The following EXOC2 variants were observed in gnomAD, a reference collection of about 807,000 sequenced individuals.
The protein encoded by EXOC2 is exocyst complex component 2, also known as SEC5-like 1.
In EXOC2, 70 loss-of-function variants were observed where a neutral mutation model predicts 131.8. The observed-to-expected ratio is 0.53, with a 90% confidence interval of 0.44 to 0.65. The LOEUF is 0.65. Among genes scored for constraint, EXOC2 ranks in the 30% least tolerant of loss-of-function variants. EXOC2 has a pLI of 0.00. For synonymous variants in EXOC2, 411 were observed against 398.4 expected, an observed-to-expected ratio of 1.03 and a Z score of -0.38; for missense variants, 923 against 1,108.6, an observed-to-expected ratio of 0.83 and a Z score of 2.38.
intron 10 of EXOC2, among the ~76,000 whole-genome samples, chr6:596,059 A>G (rs929263541): frequency 1.3e-5 from 2 of 152,002 alleles, no homozygotes; most frequent in Admixed American, 1.3e-4. Context: ...TCACCTGTAC[A>G]ATGGGCACCG....
chr6:665,130 T>C (rs1029186873), intron 1 of EXOC2, among the ~76,000 whole-genome samples: 2 of 152,068 alleles, frequency 1.3e-5, no homozygotes, highest in Non-Finnish European at 1.5e-5. Flanking sequence ...AGGACATGAA[T>C]AGGCAACTCT....
intron 23 of EXOC2, among the ~76,000 whole-genome samples, chr6:527,936 C>T (rs1284418475): frequency 6.6e-6 from 1 of 151,976 alleles, no homozygotes; most frequent in Non-Finnish European, 1.5e-5. Flanking sequence ...GTTTCAAAGA[C>T]GTGAACTTCA....
intron 21 of EXOC2, among the ~76,000 whole-genome samples, chr6:553,653 C>A (rs1228157574): frequency 6.6e-6 from 1 of 152,140 alleles, no homozygotes; most frequent in Admixed American, 6.5e-5. Flanking sequence ...ACTGACACTG[C>A]AACTCCAGCT....
At chr6:534,109 A>T (rs1317635953) in intron 22 of EXOC2, among the ~76,000 whole-genome samples, 1 of 152,270 alleles carries the variant, frequency 6.6e-6, no homozygotes, top group Non-Finnish European at 1.5e-5. Flanking sequence ...GTTGAGACTG[A>T]TCTGAAGTGC....
At chr6:598,642 C>T (rs1002248384) in intron 9 of EXOC2, among the ~76,000 whole-genome samples, 1 of 152,188 alleles carries the variant, frequency 6.6e-6, no homozygotes, top group Non-Finnish European at 1.5e-5. Flanking sequence ...CGGCAGAGAA[C>T]GTCTCAGGCG....
intron 26 of EXOC2, 137 bp from the exon 27 acceptor site, chr6:489,175 A>AAAC: frequency 1.2e-6 from 1 of 818,744 alleles, no homozygotes. Context: ...TAAAAGTGAA[A>AAAC]AACAATAGAA....
At chr6:555,758 G>C (rs1032263976) in intron 19 of EXOC2, among the ~76,000 whole-genome samples, 196 bp downstream of exon 19, 1 of 152,114 alleles carries the variant, frequency 6.6e-6, no homozygotes, top group Non-Finnish European at 1.5e-5. Flanking sequence ...GAAACATTTG[G>C]GTATTGCTAA....
At chr6:495,251 G>C (rs1383408248) in intron 25 of EXOC2, among the ~76,000 whole-genome samples, 1 of 150,672 alleles carries the variant, frequency 6.6e-6, no homozygotes, top group Non-Finnish European at 1.5e-5. Flanking sequence ...TCAGCCTCCC[G>C]AGTAGCTGGG....
In EXOC2 at chr6:659,879, C is replaced by T. The variant is rs114932191; in HGVS notation, c.-43-22018G>A. On this transcript the variant is annotated intron_variant, in intron 1 of 27. Transcript: ENST00000230449. ...CTCCTGGCCAGAACTTGGGAGAGGA[C>T]GCAAATCTGGTGTGCAGACTCCACA... 7.8e-3 allele frequency among the ~76,000 whole-genome samples: 1,193 copies of T among 152,170 alleles called. 11 individuals carry two copies. Among genetic ancestry groups the T allele is most frequent in the Middle Eastern group, 0.065 (19 of 294 alleles).
At chr6:634,240 G>T (rs903468996) in intron 2 of EXOC2, among the ~76,000 whole-genome samples, 3 of 151,932 alleles carry the variant, frequency 2.0e-5, no homozygotes, top group Admixed American at 6.6e-5. Context: ...TAGTTTTTTT[G>T]TTGTTGTTTT....
At chr6:640,469 T>TGCCC (rs1762304500) in intron 1 of EXOC2, among the ~76,000 whole-genome samples, 1 of 152,220 alleles carries the variant, frequency 6.6e-6, no homozygotes, top group Admixed American at 6.5e-5. Context: ...GCCTGAATTA[T>TGCCC]GCCCACCCAC....
At chr6:502,893 A>G (rs1764310967) in intron 23 of EXOC2, among the ~76,000 whole-genome samples, 1 of 152,222 alleles carries the variant, frequency 6.6e-6, no homozygotes, top group Non-Finnish European at 1.5e-5. Flanking sequence ...GGAAAAAGAG[A>G]AGGGAAAAAT....
intron 11 of EXOC2, among the ~76,000 whole-genome samples, chr6:587,337 C>T (rs1468475401): frequency 6.6e-6 from 1 of 152,036 alleles, no homozygotes. Flanking sequence ...CTCCGCCTCC[C>T]AGGTTCCTGC....
At chr6:640,539 G>C (rs1762308460) in intron 1 of EXOC2, among the ~76,000 whole-genome samples, 1 of 152,188 alleles carries the variant, frequency 6.6e-6, no homozygotes, top group Non-Finnish European at 1.5e-5. Flanking sequence ...CCAGAATGTG[G>C]CTGTATTCAG....
intron 22 of EXOC2, among the ~76,000 whole-genome samples, chr6:546,626 G>C (rs563520811): frequency 1.3e-5 from 2 of 152,272 alleles, no homozygotes; most frequent in African/African-American, 4.8e-5. Flanking sequence ...TAGTCCACAT[G>C]AAGATGAGGA....
At chr6:528,545 G>A (rs1765883198) in intron 23 of EXOC2, among the ~76,000 whole-genome samples, 1 of 152,156 alleles carries the variant, frequency 6.6e-6, no homozygotes, top group Non-Finnish European at 1.5e-5. Flanking sequence ...AGTGAAACGA[G>A]CACCGATGAC....
chr6:524,726 TTTGA>T (rs1162566463), intron 23 of EXOC2: 11 of 152,242 alleles, frequency 7.2e-5, no homozygotes, highest in Non-Finnish European at 1.3e-4. Flanking sequence ...AAGAAAGGTC[TTTGA>T]TTGTGAATTC....
At chr6:552,233 C>CCGACATACCTAGGCAGGA (rs1346206513) in intron 21 of EXOC2, among the ~76,000 whole-genome samples, 2 of 152,262 alleles carry the variant, frequency 1.3e-5, no homozygotes, top group Non-Finnish European at 2.9e-5. Flanking sequence ...CCCCTCACTG[C>CCGACATACCTAGGCAGGA]CGACATACCT....
At chr6:665,484 A>T (rs554917744) in intron 1 of EXOC2, among the ~76,000 whole-genome samples, 1 of 152,346 alleles carries the variant, frequency 6.6e-6, no homozygotes, top group South Asian at 2.1e-4. Flanking sequence ...TCTTGCACAT[A>T]CGTTTATAGC....
Sources: gnomAD v4.1 joint callset for allele counts (sites outside exome capture counted in the v4.1 genomes callset) on GRCh38, gnomAD v4.1.1 for gene constraint, MANE v1.5 for transcripts, NCBI Gene and HGNC (gene_info 2026-07-23, HGNC 2026-07-21) for gene names.